The following TBC1D4 variants were observed in gnomAD, a reference collection of about 807,000 sequenced individuals.
TBC1D4 encodes TBC1 domain family member 4.
In TBC1D4, 121 loss-of-function variants were observed where a neutral mutation model predicts 142.5. That is an observed-to-expected ratio of 0.85 (90% confidence interval 0.73 to 0.99). The LOEUF (loss-of-function observed/expected upper bound fraction) is 0.99. TBC1D4 is among the 50% of genes least tolerant of loss of function. TBC1D4 has a pLI of 0.00. For missense variants in TBC1D4, 1,475 were observed against 1,606.6 expected (o/e 0.92, Z 1.40); for synonymous variants, 630 against 628.2 (o/e 1.00, Z -0.04).
chr13:75,326,573 C>T (rs780493345), intron 9 of TBC1D4, 150 bp from the exon 10 acceptor site: 21 of 816,306 alleles, frequency 2.6e-5, no homozygotes, highest in East Asian at 2.1e-4. Context: ...TAATTTATGC[C>T]GTAGGCTAAT....
rs751888354 is a variant in TBC1D4, at chr13:75,319,994, A to G, written c.2222+20T>C. 2.5e-5 allele frequency: 40 copies of G among 1,611,544 alleles called. No homozygotes were observed. Among genetic ancestry groups the G allele is most frequent in the Non-Finnish European group, 3.3e-5 (39 of 1,178,706 alleles). On this transcript the variant is annotated intron_variant, in intron 12 of 20. Transcript: ENST00000377636. ...ATCTGTGAATTTTTTTTAAATAAAA[A>G]TACGTAGACCTCTAATCACCTTGAT...
At chr13:75,421,398 A>C (rs1157791703) in intron 1 of TBC1D4, among the ~76,000 whole-genome samples, 1 of 152,176 alleles carries the variant, frequency 6.6e-6, no homozygotes, top group Non-Finnish European at 1.5e-5. Flanking sequence ...AAATCTTTGA[A>C]GACAGGCATT....
chr13:75,327,602 G>A lies in TBC1D4; in HGVS notation c.1806+150C>T, dbSNP rs1051201139. The A allele has an allele frequency of 9.0e-6, 7 of 775,432 alleles. No homozygotes were observed. In the African/African-American group the frequency reaches 1.2e-4, roughly 14 times the overall value. 48.0% of individuals were successfully genotyped at this position (775,432 alleles called of 1,614,324 possible). A position where few individuals can be genotyped will look rare whatever the true frequency, so the allele number is the denominator to read the frequency against. The stretch of plus-strand genomic sequence containing the variant: ...ATAAGAAGCTACATGCTAATGCCTA[G>A]AATCTTCTTAGTTAAAATAATAAAG... On this transcript the variant is annotated intron_variant, in intron 9 of 20. Transcript: ENST00000377636.
chr13:75,412,465 T>A (rs149988270), intron 1 of TBC1D4, among the ~76,000 whole-genome samples: 321 of 151,772 alleles, frequency 2.1e-3, no homozygotes, highest in African/African-American at 7.6e-3. Context: ...CACACGGTTA[T>A]TTTTTTTATT....
intron 1 of TBC1D4, among the ~76,000 whole-genome samples, chr13:75,400,233 C>T (rs1885014813): frequency 6.6e-6 from 1 of 152,188 alleles, no homozygotes; most frequent in African/African-American, 2.4e-5. Context: ...AATATACAAT[C>T]ACTAAATCCT....
At chr13:75,457,275 T>G (rs763343854) in intron 1 of TBC1D4, among the ~76,000 whole-genome samples, 1 of 152,232 alleles carries the variant, frequency 6.6e-6, no homozygotes, top group Non-Finnish European at 1.5e-5. Context: ...TAATTAATAC[T>G]GACAGACCTT....
intron 1 of TBC1D4, among the ~76,000 whole-genome samples, chr13:75,403,330 C>G (rs1885189257): frequency 6.6e-6 from 1 of 152,196 alleles, no homozygotes; most frequent in African/African-American, 2.4e-5. Flanking sequence ...AACAAAATCA[C>G]TTGCTAACAA....
At chr13:75,419,744 C>G (rs1009237959) in intron 1 of TBC1D4, among the ~76,000 whole-genome samples, 4 of 152,170 alleles carry the variant, frequency 2.6e-5, no homozygotes, top group African/African-American at 9.7e-5. Context: ...TGTATTAAAT[C>G]AAAAAATCTT....
intron 8 of TBC1D4, among the ~76,000 whole-genome samples, chr13:75,329,570 T>C (rs1005387529): frequency 1.3e-5 from 2 of 152,040 alleles, no homozygotes; most frequent in African/African-American, 2.4e-5. Context: ...ACTATCAACC[T>C]AGAAATTTCC....
chr13:75,378,152 C>T (rs1883626312), intron 1 of TBC1D4, among the ~76,000 whole-genome samples: 1 of 152,254 alleles, frequency 6.6e-6, no homozygotes, highest in Admixed American at 6.5e-5. Context: ...GTTTTCCACA[C>T]ATACCAGCTT....
chr13:75,410,183 T>G (rs1593855828), intron 1 of TBC1D4, among the ~76,000 whole-genome samples: 1 of 152,304 alleles, frequency 6.6e-6, no homozygotes, highest in South Asian at 2.1e-4. Context: ...CTATGTTTGA[T>G]ATATTCACAT....
At chr13:75,353,779 T>A (rs1483980200) in intron 4 of TBC1D4, among the ~76,000 whole-genome samples, 7 of 152,086 alleles carry the variant, frequency 4.6e-5, no homozygotes, top group Non-Finnish European at 1.0e-4. Context: ...AAAAAAGAGA[T>A]AACTAAAGCA....
chr13:75,409,070 C>T (rs1481949516), intron 1 of TBC1D4, among the ~76,000 whole-genome samples: 1 of 151,878 alleles, frequency 6.6e-6, no homozygotes, highest in Non-Finnish European at 1.5e-5. Flanking sequence ...CACATACATA[C>T]ATACATAGTT....
At chr13:75,449,880 C>T (rs2138235320) in intron 1 of TBC1D4, among the ~76,000 whole-genome samples, 1 of 152,214 alleles carries the variant, frequency 6.6e-6, no homozygotes, top group Admixed American at 6.5e-5. Context: ...GCATCGTGCC[C>T]AGCCAAATGT....
chr13:75,407,493 T>C (rs1204916564), intron 1 of TBC1D4, among the ~76,000 whole-genome samples: 1 of 152,188 alleles, frequency 6.6e-6, no homozygotes, highest in Non-Finnish European at 1.5e-5. Flanking sequence ...CCAAAACCCA[T>C]GGACAACATT....
At chr13:75,337,531 T>A (rs11616690) in intron 7 of TBC1D4, among the ~76,000 whole-genome samples, 54,202 of 152,104 alleles carry the variant, frequency 0.36, 11,355 homozygotes, top group East Asian at 0.66. Flanking sequence ...AGATCACAAG[T>A]ATAGAACCAA....
chr13:75,351,245 T>C (rs1274639824), intron 4 of TBC1D4, among the ~76,000 whole-genome samples: 2 of 152,266 alleles, frequency 1.3e-5, no homozygotes, highest in East Asian at 3.9e-4. Context: ...AACTTACATA[T>C]TTTATAGCAT....
At chr13:75,420,579 T>C (rs1232433430) in intron 1 of TBC1D4, among the ~76,000 whole-genome samples, 1 of 152,226 alleles carries the variant, frequency 6.6e-6, no homozygotes, top group Non-Finnish European at 1.5e-5. Flanking sequence ...CAACGTGGAA[T>C]GCAGATATTT....
intron 1 of TBC1D4, among the ~76,000 whole-genome samples, chr13:75,472,106 CAAAA>C (rs59823952): frequency 4.1e-5 from 5 of 121,892 alleles, no homozygotes; most frequent in Non-Finnish European, 6.6e-5. Flanking sequence ...GACTCTGTCT[CAAAA>C]AAAAAAAAAA....
Sources: gnomAD v4.1 joint callset for allele counts (sites outside exome capture counted in the v4.1 genomes callset) on GRCh38, gnomAD v4.1.1 for gene constraint, MANE v1.5 for transcripts, NCBI Gene and HGNC (gene_info 2026-07-23, HGNC 2026-07-21) for gene names.